SLC13A3: variants seen among roughly 807,000 people sequenced by gnomAD.
SLC13A3 encodes the protein solute carrier family 13 member 3, also known as Na(+)/dicarboxylate cotransporter 3.
A neutral mutation model predicts 59.0 loss-of-function variants in SLC13A3; 40 were observed. The ratio of observed to expected loss-of-function variants is 0.68; its 90% CI spans 0.53 to 0.88. SLC13A3 has a LOEUF of 0.88. Ranked by LOEUF, SLC13A3 falls within the 40% of genes least tolerant of loss-of-function variation. The pLI is 0.00. For synonymous variants in SLC13A3, 317 were observed against 330.3 expected, an observed-to-expected ratio of 0.96 and a Z score of 0.44; for missense variants, 699 against 783.2, an observed-to-expected ratio of 0.89 and a Z score of 1.28.
chr20:46,588,892 G>A (rs757693360), intron 7 of SLC13A3, among the ~76,000 whole-genome samples: 6 of 152,194 alleles, frequency 3.9e-5, no homozygotes, highest in Admixed American at 6.5e-5. Flanking sequence ...TGCGTACCGG[G>A]AGGGAAACGG....
intron 1 of SLC13A3, among the ~76,000 whole-genome samples, chr20:46,636,855 C>T (rs920247427): frequency 6.6e-6 from 1 of 151,120 alleles, no homozygotes; most frequent in Non-Finnish European, 1.5e-5. Context: ...GGCTGGAGTG[C>T]ACTGGCGTGA....
intron 3 of SLC13A3, chr20:46,609,113 A>AT: frequency 6.6e-7 from 1 of 1,507,560 alleles, no homozygotes; most frequent in Middle Eastern, 1.7e-4. Context: ...TTCTGCCCAC[A>AT]TATGTATCAA....
upstream of SLC13A3, among the ~76,000 whole-genome samples, chr20:46,670,316 T>C (rs541773429): frequency 2.6e-5 from 4 of 152,304 alleles, no homozygotes; most frequent in South Asian, 8.3e-4. Flanking sequence ...CCTTCCTGAC[T>C]CATGGCTTGA....
chr20:46,584,605 T>C (rs569869341), intron 8 of SLC13A3: 3 of 600,942 alleles, frequency 5.0e-6, no homozygotes, highest in African/African-American at 4.0e-5. Flanking sequence ...ACTAATGGTA[T>C]ACCATTCATT....
intron 3 of SLC13A3, among the ~76,000 whole-genome samples, chr20:46,608,479 T>G (rs1156249205): frequency 2.6e-5 from 4 of 152,294 alleles, no homozygotes; most frequent in East Asian, 3.9e-4. Context: ...TCTCTTCACT[T>G]CCTCGTGGAA....
upstream of SLC13A3, among the ~76,000 whole-genome samples, chr20:46,652,463 G>A (rs1314441348): frequency 1.3e-5 from 2 of 151,746 alleles, no homozygotes; most frequent in Non-Finnish European, 2.9e-5. Flanking sequence ...GAGCGATCTC[G>A]GATCACTGCA....
rs1406185162 is a variant in SLC13A3, at chr20:46,621,597, T to TA, written c.112-7873dup. ...TCTCATCTTATAGATGGTTCTGGAA[T>TA]AAAAAAAAGTTGTGGCTCCAAATCC... On this transcript the variant is annotated intron_variant, in intron 1 of 12. Transcript: ENST00000279027. 1.1e-4 allele frequency among the ~76,000 whole-genome samples: 16 copies of TA among 152,098 alleles called. No individual in the cohort carries two copies. The South Asian group carries it at 2.9e-3, about 28-fold the overall frequency.
chr20:46,589,428 G>A (rs554540970), intron 6 of SLC13A3, among the ~76,000 whole-genome samples, 173 bp from the exon 7 acceptor site: 7 of 152,280 alleles, frequency 4.6e-5, no homozygotes, highest in South Asian at 2.1e-4. Flanking sequence ...TTCTCCCCAC[G>A]TATAGCCTGG....
At chr20:46,585,145 T>TA (rs1160945737) in intron 8 of SLC13A3, 19 of 979,714 alleles carry the variant, frequency 1.9e-5, no homozygotes, top group Middle Eastern at 5.3e-4. Flanking sequence ...AAAATAAAAT[T>TA]AAAAAAAAAG....
intron 12 of SLC13A3, among the ~76,000 whole-genome samples, chr20:46,560,793 C>A (rs59232259): frequency 0.044 from 6,728 of 152,220 alleles, 395 homozygotes; most frequent in African/African-American, 0.13. Flanking sequence ...CCCATCTGCT[C>A]CCTACCCTGG....
intron 1 of SLC13A3, among the ~76,000 whole-genome samples, chr20:46,623,849 A>G (rs987094210): frequency 2.6e-5 from 4 of 152,348 alleles, no homozygotes; most frequent in African/African-American, 7.2e-5. Context: ...CTGATGGGAC[A>G]TGGAGGCAAA....
intron 11 of SLC13A3, 81 bp from the exon 12 acceptor site, chr20:46,563,632 G>GAGAGAGAT: frequency 6.9e-7 from 1 of 1,455,546 alleles, no homozygotes; most frequent in South Asian, 1.3e-5. Context: ...GAGAGAGAGA[G>GAGAGAGAT]GCAGTTGGAA....
In SLC13A3 at chr20:46,613,696, G is replaced by C; in HGVS notation, c.141C>G (p.Leu47=). 3.1e-6 allele frequency: 5 copies of C among 1,606,618 alleles called. No individual in the cohort carries two copies. Among genetic ancestry groups the C allele is most frequent in the Non-Finnish European group, 3.4e-6 (4 of 1,176,184 alleles). The change falls in exon 2 of 13, where the codon CTC becomes CTG. Residue 47 remains leucine (L), a synonymous_variant. Transcript: ENST00000279027. The part of the protein sequence containing the change: ...KEGRCLFVIL[L]MAVYWCTEAL... ...CCTCCGTGCACCAGTACACCGCCAT[G>C]AGCAGGATGACAAACAAGCAGCGGC...
At chr20:46,648,452 T>C (rs1230638316) in intron 1 of SLC13A3, among the ~76,000 whole-genome samples, 1 of 151,988 alleles carries the variant, frequency 6.6e-6, no homozygotes, top group Non-Finnish European at 1.5e-5. Context: ...GAGGCGAAGG[T>C]CCTCCAAAGA....
At chr20:46,678,200 G>A (rs927062892) in intron 1 of SLC13A3, among the ~76,000 whole-genome samples, 8 of 152,086 alleles carry the variant, frequency 5.3e-5, no homozygotes, top group Non-Finnish European at 7.4e-5. Flanking sequence ...TCTCAGTGCC[G>A]GGTTCTCACC....
intron 8 of SLC13A3, among the ~76,000 whole-genome samples, chr20:46,587,204 A>G (rs552767732): frequency 4.9e-4 from 74 of 152,296 alleles, no homozygotes; most frequent in Non-Finnish European, 8.5e-4. Flanking sequence ...AGTTCTTTTT[A>G]TGAGCCATTT....
intron 7 of SLC13A3, 58 bp from the exon 8 acceptor site, chr20:46,588,221 G>A: frequency 9.2e-7 from 1 of 1,083,164 alleles, no homozygotes; most frequent in South Asian, 1.5e-5. Flanking sequence ...GACCGCAGCA[G>A]GCACAGGCTC....
chr20:46,593,209 G>A (rs2062277973), intron 5 of SLC13A3, among the ~76,000 whole-genome samples: 2 of 152,170 alleles, frequency 1.3e-5, no homozygotes, highest in Admixed American at 6.5e-5. Context: ...GATTCTTGAT[G>A]TTTGTTCGTC....
intron 1 of SLC13A3, among the ~76,000 whole-genome samples, chr20:46,665,036 T>C (rs1276837547): frequency 2.0e-5 from 3 of 148,752 alleles, no homozygotes; most frequent in African/African-American, 7.8e-5. Context: ...ATATTCTGCT[T>C]TCATTTTTTT....
Sources: gnomAD v4.1 joint callset for allele counts (sites outside exome capture counted in the v4.1 genomes callset) on GRCh38, gnomAD v4.1.1 for gene constraint, MANE v1.5 for transcripts, NCBI Gene and HGNC (gene_info 2026-07-23, HGNC 2026-07-21) for gene names.